Variants in EHD1 observed in about 807,000 individuals in gnomAD.
The protein encoded by EHD1 is EH domain-containing protein 1.
A neutral mutation model predicts 39.0 loss-of-function variants in EHD1; 19 were observed. The ratio of observed to expected loss-of-function variants is 0.49; its 90% CI spans 0.34 to 0.72. The LOEUF is 0.72. Ranked by LOEUF, EHD1 falls within the 30% of genes least tolerant of loss-of-function variation. The pLI is 0.01. For synonymous variants in EHD1, 323 were observed against 331.2 expected, an observed-to-expected ratio of 0.98 and a Z score of 0.27; for missense variants, 542 against 751.5, an observed-to-expected ratio of 0.72 and a Z score of 3.26.
chr11:64,858,477 C>T (rs932526852), intron 3 of EHD1, among the ~76,000 whole-genome samples: 1 of 152,196 alleles, frequency 6.6e-6, no homozygotes, highest in African/African-American at 2.4e-5. Context: ...GATGAGCCAC[C>T]ATGCCTGGCT....
At chr11:64,863,619 A>G (rs1183501419) in intron 2 of EHD1, among the ~76,000 whole-genome samples, 1 of 152,184 alleles carries the variant, frequency 6.6e-6, no homozygotes, top group Non-Finnish European at 1.5e-5. Flanking sequence ...CGCTCATGGG[A>G]TAAACACTCC....
At chr11:64,856,845 C>A (rs557371569) in intron 3 of EHD1, among the ~76,000 whole-genome samples, 290 of 152,298 alleles carry the variant, frequency 1.9e-3, no homozygotes, top group Non-Finnish European at 3.3e-3. Context: ...TTTCCAGGCG[C>A]GGTGACTCAG....
rs149325571 is a variant in EHD1 at position 64,854,645 on chromosome 11, G to A, written c.1293C>T (p.Gly431=). 559 of 1,613,842 alleles carry A rather than the reference G, an allele frequency of 3.5e-4. 5 individuals carry two copies. The African/African-American group carries it at 6.1e-3, about 17-fold the overall frequency. The change falls in exon 5 of 5, where the codon GGC becomes GGT. Residue 431 remains glycine, a synonymous_variant. Coordinates refer to ENST00000320631, the MANE Select transcript of EHD1 (RefSeq NM_006795.4). ...CCCACTCCACGTCGTCGATGCCCTC[G>A]CCGGCCCCCTCGCCGTAGCCGTGCC... ...PFGHGYGEGA[G]EGIDDVEWVV...
chr11:64,877,962 G>A (rs1025574842), intron 1 of EHD1, 99 bp downstream of exon 1: 1 of 1,295,562 alleles, frequency 7.7e-7, no homozygotes, highest in Non-Finnish European at 1.0e-6. Context: ...GGGCCTCGGA[G>A]ACAAAGGACG....
At chr11:64,870,361 G>A (rs1446413563) in intron 2 of EHD1, among the ~76,000 whole-genome samples, 2 of 152,142 alleles carry the variant, frequency 1.3e-5, no homozygotes, top group Non-Finnish European at 2.9e-5. Context: ...TCCTAGCGCC[G>A]ACACTTGCTG....
chr11:64,869,860 G>A (rs1943808761), intron 2 of EHD1, among the ~76,000 whole-genome samples: 1 of 152,240 alleles, frequency 6.6e-6, no homozygotes, highest in South Asian at 2.1e-4. Context: ...ATCTCAGGAG[G>A]TGTCGGCAGG....
rs114591400 is a variant in EHD1, at chr11:64,877,675, G to A, written c.404+386C>T. The A allele has an allele frequency of 3.8e-3, 785 of 206,890 alleles. 9 individuals are homozygous for A. Among genetic ancestry groups the A allele is most frequent in the African/African-American group, 0.017 (741 of 43,722 alleles). 12.8% of individuals were successfully genotyped at this position (206,890 alleles called of 1,614,324 possible). On this transcript the variant is annotated intron_variant, in intron 1 of 4. Coordinates refer to ENST00000320631, the MANE Select transcript of EHD1 (RefSeq NM_006795.4). ...ATTGACACTTAAGAAGACAGGGAGG[G>A]GAGGGTTGATTTCCGTGAATTAGGT...
chr11:64,877,243 G>A (rs910479270), intron 1 of EHD1, among the ~76,000 whole-genome samples: 1 of 152,184 alleles, frequency 6.6e-6, no homozygotes, highest in South Asian at 2.1e-4. Flanking sequence ...GGAGCACTGT[G>A]TTTCATTCAC....
chr11:64,861,162 C>G (rs966922381), intron 2 of EHD1, among the ~76,000 whole-genome samples: 1 of 149,930 alleles, frequency 6.7e-6, no homozygotes, highest in Admixed American at 6.7e-5. Context: ...GTCCAGCCTG[C>G]GTGACACAGC....
intron 2 of EHD1, among the ~76,000 whole-genome samples, chr11:64,861,268 C>A (rs929444570): frequency 2.0e-5 from 3 of 152,130 alleles, no homozygotes; most frequent in Non-Finnish European, 4.4e-5. Context: ...TTCCTGCCCC[C>A]ACCATAACAC....
chr11:64,878,983 A>C, upstream of EHD1: 2 of 997,914 alleles, frequency 2.0e-6, no homozygotes, highest in Non-Finnish European at 2.4e-6. Context: ...TCCACGAGAC[A>C]CCCAGTCAGG....
At position 64,859,972 on chromosome 11, in the gene EHD1, G is replaced by A. The variant is rs148283296; in HGVS notation, c.867C>T (p.Ala289=). 1.8e-4 allele frequency: 290 copies of A among 1,613,830 alleles called. 1 individual carries two copies. The African/African-American group carries it at 3.2e-3, about 18-fold the overall frequency. ...TCAGGTCATTGAGCTTCCTGAGGGCGGCGTTTCGGGGCAGTGACTGGATGT... is the reference window on the plus strand; with the variant it reads ...TCAGGTCATTGAGCTTCCTGAGGGCAGCGTTTCGGGGCAGTGACTGGATGT... ...FKDIQSLPRN[A]ALRKLNDLIK... The change falls in exon 3 of 5, where the codon GCC becomes GCT. Residue 289 remains alanine (A), a synonymous_variant. Transcript: ENST00000320631.
At chr11:64,857,513 G>A (rs958001174) in intron 3 of EHD1, among the ~76,000 whole-genome samples, 3 of 152,150 alleles carry the variant, frequency 2.0e-5, no homozygotes, top group South Asian at 2.1e-4. Flanking sequence ...ACCCACGCCC[G>A]TGCACACAGC....
intron 2 of EHD1, among the ~76,000 whole-genome samples, chr11:64,869,018 G>A (rs565143397): frequency 4.9e-4 from 75 of 152,332 alleles, no homozygotes; most frequent in Non-Finnish European, 9.6e-4. Flanking sequence ...GGCACACTGC[G>A]AGCAGGAGTA....
In EHD1 at chr11:64,866,062, G is replaced by A. The variant is rs564896262; in HGVS notation, c.503-5726C>T. Among the ~76,000 whole-genome samples the A allele has an allele frequency of 1.8e-4, 28 of 152,144 alleles. 1 individual carries two copies. The highest frequency in any genetic ancestry group is 6.8e-3 in the Middle Eastern group (2 of 294). On this transcript the variant is annotated intron_variant, in intron 2 of 4. Coordinates refer to ENST00000320631, the MANE Select transcript of EHD1 (RefSeq NM_006795.4). ...GCCATAAGGACACATGCACACATAC[G>A]TCCATTGCAGCACTATTCACGATAG...
rs1303684108 is a variant in EHD1, at chr11:64,853,114, G to C, written c.*1219C>G. ...GGGGGAGGCGGCCTGAACTGGCCCG[G>C]GCCACTGGGCCGCAAGGTTCTGGTT... On this transcript the variant is annotated 3_prime_UTR_variant, in exon 5 of 5. Transcript: ENST00000320631. 1 of 151,806 alleles carries C rather than the reference G, an allele frequency of 6.6e-6. No homozygotes were observed. Among genetic ancestry groups the C allele is most frequent in the Non-Finnish European group, 1.5e-5 (1 of 67,960 alleles). The allele number at this position is 151,806 out of a possible 1,614,324, so 9.4% of individuals were successfully genotyped here.
At chr11:64,866,960 G>A (rs1052218679) in intron 2 of EHD1, among the ~76,000 whole-genome samples, 3 of 152,168 alleles carry the variant, frequency 2.0e-5, no homozygotes, top group East Asian at 1.9e-4. Flanking sequence ...AGGGAGCCAC[G>A]AGGGGAGCTG....
rs1195230456 is a variant in EHD1 at position 64,852,307 on chromosome 11, C to G, written c.*2026G>C. On this transcript the variant is annotated 3_prime_UTR_variant, in exon 5 of 5. Transcript: ENST00000320631. ...GAGGCCCGGCTTCCCTGTACTTAAACCGTCCTTGGGGCTAGCAAGGAGCCA... is the reference window on the plus strand; with the variant it reads ...GAGGCCCGGCTTCCCTGTACTTAAAGCGTCCTTGGGGCTAGCAAGGAGCCA... 1 of 152,226 alleles carries G rather than the reference C, an allele frequency of 6.6e-6. No individual in the cohort carries two copies. The highest frequency in any genetic ancestry group is 1.5e-5 in the Non-Finnish European group (1 of 68,050). 9.4% of individuals were successfully genotyped at this position (152,226 alleles called of 1,614,324 possible).
At chr11:64,856,747 C>A (rs1173842349) in intron 3 of EHD1, 1 of 152,322 alleles carries the variant, frequency 6.6e-6, no homozygotes, top group African/African-American at 2.4e-5. Flanking sequence ...CAGGCAGATC[C>A]CAGGCCGGTG....
Sources: allele counts gnomAD v4.1 joint callset (sites outside exome capture counted in the v4.1 genomes callset), GRCh38; gene constraint gnomAD v4.1.1; transcripts MANE v1.5; gene names NCBI Gene and HGNC (gene_info 2026-07-23, HGNC 2026-07-21).